ZNRF3: variants seen among roughly 807,000 people sequenced by gnomAD.
The protein encoded by ZNRF3 is zinc and ring finger 3, also known as E3 ubiquitin-protein ligase ZNRF3.
Under a neutral mutation model 72.5 loss-of-function variants are expected in ZNRF3, and 23 were observed. That is an observed-to-expected ratio of 0.32 (90% CI 0.23 to 0.45). ZNRF3 has a LOEUF of 0.45. ZNRF3 is among the 20% of genes least tolerant of loss of function. ZNRF3 has a pLI of 1.00. For missense variants in ZNRF3, 1,169 were observed against 1,272.1 expected, an observed-to-expected ratio of 0.92 and a Z score of 1.23; for synonymous variants, 610 against 545.3, an observed-to-expected ratio of 1.12 and a Z score of -1.65.
chr22:29,027,135 G>C (rs1236968553), intron 2 of ZNRF3: 1 of 152,196 alleles, frequency 6.6e-6, no homozygotes, highest in African/African-American at 2.4e-5. Context: ...GCACCTAAGA[G>C]TTGGCCTGAG....
Position 28,988,757 on chromosome 22 carries a change from A to G in ZNRF3, c.426+1556A>G, listed in dbSNP as rs1311776551. ...TTTCCTTGTAGGTGTTACGCTCCTA[A>G]TACAACATTTTCTCTTGTACTTTAT... On this transcript the variant is annotated intron_variant, in intron 2 of 8. Transcript: ENST00000544604. Among the ~76,000 whole-genome samples, 5 of 152,282 alleles carry G rather than the reference A, an allele frequency of 3.3e-5. No individual in the cohort carries two copies. In the South Asian group the frequency reaches 8.3e-4, roughly 25 times the overall value.
chr22:28,970,446 AG>A (rs2035549404), intron 1 of ZNRF3, among the ~76,000 whole-genome samples: 1 of 152,244 alleles, frequency 6.6e-6, no homozygotes, highest in Admixed American at 6.5e-5. Context: ...CCTTCGGAAA[AG>A]TTTGGAGTTT....
At chr22:29,035,896 A>G (rs913012591) in intron 2 of ZNRF3, among the ~76,000 whole-genome samples, 8 of 152,076 alleles carry the variant, frequency 5.3e-5, no homozygotes, top group African/African-American at 1.9e-4. Flanking sequence ...GATTTTTAAC[A>G]GCTGGGGTCT....
At chr22:29,016,291 G>A (rs1018024852) in intron 2 of ZNRF3, among the ~76,000 whole-genome samples, 1 of 152,192 alleles carries the variant, frequency 6.6e-6, no homozygotes. Flanking sequence ...TTGAAGGAAG[G>A]TGAAAGCCTA....
chr22:28,985,828 A>G (rs1255199956), intron 1 of ZNRF3, among the ~76,000 whole-genome samples: 2 of 152,200 alleles, frequency 1.3e-5, no homozygotes, highest in Non-Finnish European at 1.5e-5. Context: ...AAGCAACACA[A>G]ATTCATTCTC....
Position 29,048,404 on chromosome 22 carries a change from C to A in ZNRF3, c.928C>A (p.Pro310Thr). The A allele has an allele frequency of 6.2e-7, 1 of 1,614,104 alleles. No homozygotes were observed. The highest frequency in any genetic ancestry group is 8.5e-7 in the Non-Finnish European group (1 of 1,179,946). The change falls in exon 7 of 9, where the codon CCC (proline) becomes ACC (threonine). Residue 310 changes from proline to threonine, a missense_variant. This residue lies in a region of ZNRF3 where 386 missense variants were observed against 540.7 expected (regional missense o/e 0.71). Coordinates refer to ENST00000544604, the MANE Select transcript of ZNRF3 (RefSeq NM_001206998.2). The surrounding 1 kb of genome is among the most constrained non-coding windows in gnomAD (Gnocchi z 4.9). ...CCCTGCCCAGGAGCTGCGGGTCATC[C>A]CCTGTACTCACCGGTTTCACAGGAA... ...YIDGEELRVI[P>T]CTHRFHRKCV...
intron 2 of ZNRF3, among the ~76,000 whole-genome samples, chr22:29,020,265 T>TTTC (rs1402062653): frequency 6.9e-6 from 1 of 144,036 alleles, no homozygotes; most frequent in African/African-American, 2.5e-5. Flanking sequence ...TTTTTTTTTT[T>TTTC]TTTTTTTTCC....
At chr22:29,034,483 T>A (rs2036826964) in intron 2 of ZNRF3, among the ~76,000 whole-genome samples, 1 of 152,126 alleles carries the variant, frequency 6.6e-6, no homozygotes, top group Non-Finnish European at 1.5e-5. Flanking sequence ...TCAAGCGTGC[T>A]CCATGGAAGG....
At chr22:28,909,451 C>G (rs1444585370) in intron 1 of ZNRF3, among the ~76,000 whole-genome samples, 1 of 150,920 alleles carries the variant, frequency 6.6e-6, no homozygotes, top group African/African-American at 2.4e-5. Flanking sequence ...TTTTTTTTCT[C>G]AGAAAATAAT....
intron 2 of ZNRF3, among the ~76,000 whole-genome samples, chr22:29,024,708 T>C (rs2036596672): frequency 6.6e-6 from 1 of 152,114 alleles, no homozygotes; most frequent in Non-Finnish European, 1.5e-5. Context: ...ATTTGTTAAA[T>C]TAATGAATAT....
intron 2 of ZNRF3, among the ~76,000 whole-genome samples, chr22:29,041,799 C>T (rs866934488): frequency 1.3e-5 from 2 of 152,070 alleles, no homozygotes; most frequent in Non-Finnish European, 2.9e-5. Flanking sequence ...GCTTGTGTCA[C>T]TTATTAAAAT....
intron 1 of ZNRF3, among the ~76,000 whole-genome samples, chr22:28,974,282 G>A (rs900109001): frequency 4.7e-4 from 72 of 152,040 alleles, no homozygotes; most frequent in Non-Finnish European, 5.4e-4. Flanking sequence ...CTTTGACAAT[G>A]CATGTTGCCA....
At chr22:28,972,041 GTC>G (rs1330107865) in intron 1 of ZNRF3, among the ~76,000 whole-genome samples, 1 of 152,162 alleles carries the variant, frequency 6.6e-6, no homozygotes, top group African/African-American at 2.4e-5. Context: ...ACTGGTGATA[GTC>G]TTGCCTCACT....
intron 1 of ZNRF3, among the ~76,000 whole-genome samples, chr22:28,942,290 T>G (rs78751772): frequency 1.4e-4 from 21 of 152,366 alleles, no homozygotes; most frequent in African/African-American, 5.0e-4. Flanking sequence ...CCCAACTGCC[T>G]GATAGCCTGA....
intron 1 of ZNRF3, among the ~76,000 whole-genome samples, chr22:28,894,338 CTT>C (rs139430): frequency 4.0e-4 from 55 of 139,226 alleles, no homozygotes; most frequent in Admixed American, 3.6e-4. Flanking sequence ...AAAATACTGG[CTT>C]TTTTTTTTTT....
intron 2 of ZNRF3, among the ~76,000 whole-genome samples, chr22:29,027,784 C>T (rs576818807): frequency 6.6e-6 from 1 of 151,408 alleles, no homozygotes; most frequent in African/African-American, 2.5e-5. Flanking sequence ...ATCACATGCT[C>T]ACAGTCACAG....
chr22:28,923,986 A>G (rs1236921952), intron 1 of ZNRF3, among the ~76,000 whole-genome samples: 1 of 152,242 alleles, frequency 6.6e-6, no homozygotes, highest in African/African-American at 2.4e-5. Context: ...CTGTGATGGT[A>G]TCGGCTTTGC....
chr22:29,049,639 C>A lies in ZNRF3; in HGVS notation c.1458C>A (p.Ser486=), dbSNP rs771582224. 1 of 1,610,644 alleles carries A rather than the reference C, an allele frequency of 6.2e-7. No individual in the cohort carries two copies. Among genetic ancestry groups the A allele is most frequent in the South Asian group, 1.1e-5 (1 of 90,956 alleles). Residue 486 remains serine (S), a synonymous_variant, in exon 8 of 9, where the codon TCC becomes TCA. Coordinates refer to ENST00000544604, the MANE Select transcript of ZNRF3 (RefSeq NM_001206998.2). The surrounding 1 kb of genome is among the most constrained non-coding windows in gnomAD (Gnocchi z 5.2). ...GCTACCCGGAGCAGGAGGGGCAGTCCCCACCTAGCCTCGCACCCCGGGGCC... is the reference window on the plus strand; with the variant it reads ...GCTACCCGGAGCAGGAGGGGCAGTCACCACCTAGCCTCGCACCCCGGGGCC... ...GLSYPEQEGQ[S]PPSLAPRGPA...
intron 1 of ZNRF3, among the ~76,000 whole-genome samples, chr22:28,912,026 G>A (rs1464480592): frequency 6.6e-6 from 1 of 152,102 alleles, no homozygotes; most frequent in African/African-American, 2.4e-5. Flanking sequence ...AGAAGGGCCC[G>A]GCCATTAAAT....
Sources: allele counts gnomAD v4.1 joint callset (sites outside exome capture counted in the v4.1 genomes callset), GRCh38; gene constraint gnomAD v4.1.1; regional missense constraint gnomAD v4.1.1; non-coding constraint Gnocchi (gnomAD v3.1); transcripts MANE v1.5; gene names NCBI Gene and HGNC (gene_info 2026-07-23, HGNC 2026-07-21).